Variants in RAP1A observed in about 807,000 individuals in gnomAD.
The protein encoded by RAP1A is ras-related protein Rap-1A.
RAP1A carries 6 observed loss-of-function variants against 26.4 expected under a neutral mutation model. The observed-to-expected ratio is 0.23, with a 90% CI of 0.12 to 0.45. RAP1A has a LOEUF of 0.45. RAP1A is among the 20% of genes least tolerant of loss of function. RAP1A has a pLI of 0.99. For missense variants in RAP1A, 121 were observed against 217.2 expected (o/e 0.56, Z 2.78); for synonymous variants, 73 against 79.4 (o/e 0.92, Z 0.43).
intron 1 of RAP1A, among the ~76,000 whole-genome samples, chr1:111,643,295 G>A (rs539347667): frequency 1.3e-5 from 2 of 152,256 alleles, no homozygotes; most frequent in South Asian, 2.1e-4. Context: ...GCCCAGATTT[G>A]GCCTGTGGTT....
chr1:111,669,105 T>G (rs1026460491), intron 1 of RAP1A, among the ~76,000 whole-genome samples: 2 of 149,626 alleles, frequency 1.3e-5, no homozygotes, highest in African/African-American at 4.9e-5. Flanking sequence ...GGCTTAACAA[T>G]AGATTATAAT....
chr1:111,569,217 A>G (rs1267380003), intron 1 of RAP1A, among the ~76,000 whole-genome samples: 1 of 152,082 alleles, frequency 6.6e-6, no homozygotes, highest in East Asian at 1.9e-4. Context: ...CCTGAGCAAC[A>G]TAGTGAAACC....
At chr1:111,599,902 G>A (rs1658637860) in intron 1 of RAP1A, 1 of 152,120 alleles carries the variant, frequency 6.6e-6, no homozygotes, top group Non-Finnish European at 1.5e-5. Flanking sequence ...CCTTGGTGAT[G>A]AGTGAACTCT....
In RAP1A at chr1:111,709,250, G is replaced by C. The variant is rs762046887; in HGVS notation, c.*15G>C. 2 of 1,591,636 alleles carry C rather than the reference G, an allele frequency of 1.3e-6. No homozygotes were observed. The highest frequency in any genetic ancestry group is 1.2e-5 in the South Asian group (1 of 86,878). ...TGCTGCTCTAGGCCCATAGTCAGCAGCAGCTCTGAGCCAGGTAAGATGCTA... is the reference window on the plus strand; with the variant it reads ...TGCTGCTCTAGGCCCATAGTCAGCACCAGCTCTGAGCCAGGTAAGATGCTA... On this transcript the variant is annotated 3_prime_UTR_variant, in exon 7 of 8. Coordinates refer to ENST00000369709, the MANE Select transcript of RAP1A (RefSeq NM_002884.4).
At chr1:111,654,380 G>A (rs142458630) in intron 1 of RAP1A, among the ~76,000 whole-genome samples, 30 of 152,230 alleles carry the variant, frequency 2.0e-4, no homozygotes, top group African/African-American at 6.7e-4. Context: ...TCACACCTGA[G>A]TTAGGTGGTA....
rs142491688 is a variant in RAP1A at position 111,692,355 on chromosome 1, T to G, written c.57+938T>G. On this transcript the variant is annotated intron_variant, in intron 2 of 7. Coordinates refer to ENST00000369709, the MANE Select transcript of RAP1A (RefSeq NM_002884.4). ...TAATAAAAAAGAGAGGCCGGTGATA[T>G]GATTTTGGGTGCCATCAATATGGTG... 4.6e-5 allele frequency among the ~76,000 whole-genome samples: 7 copies of G among 152,310 alleles called. No individual in the cohort carries two copies. The South Asian group carries it at 6.2e-4, about 14-fold the overall frequency.
intron 1 of RAP1A, among the ~76,000 whole-genome samples, chr1:111,685,346 G>A (rs1475703237): frequency 6.6e-6 from 1 of 151,764 alleles, no homozygotes; most frequent in East Asian, 1.9e-4. Flanking sequence ...GCAACCTACA[G>A]AATGGGAGAA....
intron 3 of RAP1A, 25 bp from the exon 4 acceptor site, chr1:111,697,416 C>CTTT (rs34219774): frequency 1.5e-5 from 23 of 1,571,514 alleles, no homozygotes; most frequent in Admixed American, 7.3e-5. Flanking sequence ...ACTCTTTAAC[C>CTTT]TTTTTTTTTT....
At chr1:111,642,093 CAGTT>C (rs1159664273) in intron 1 of RAP1A, among the ~76,000 whole-genome samples, 1 of 151,912 alleles carries the variant, frequency 6.6e-6, no homozygotes, top group East Asian at 1.9e-4. Context: ...AAAAATACAA[CAGTT>C]AGCCGGGTGT....
chr1:111,643,890 A>C (rs1297055716), intron 1 of RAP1A, among the ~76,000 whole-genome samples: 1 of 152,234 alleles, frequency 6.6e-6, no homozygotes, highest in Admixed American at 6.5e-5. Flanking sequence ...TGGGGGCTGG[A>C]AAGTCCAAAA....
chr1:111,655,211 CAT>C (rs1451642632), intron 1 of RAP1A, among the ~76,000 whole-genome samples: 2 of 132,208 alleles, frequency 1.5e-5, no homozygotes, highest in Non-Finnish European at 3.2e-5. Context: ...CCATGGGAAA[CAT>C]AGATTTAATG....
At chr1:111,584,528 G>T (rs1017647632) in intron 1 of RAP1A, among the ~76,000 whole-genome samples, 1 of 152,042 alleles carries the variant, frequency 6.6e-6, no homozygotes, top group Non-Finnish European at 1.5e-5. Flanking sequence ...ATTCATTCAG[G>T]TGGAGCCCTC....
At chr1:111,634,270 TAATA>T (rs1463028588) in intron 1 of RAP1A, among the ~76,000 whole-genome samples, 2 of 152,134 alleles carry the variant, frequency 1.3e-5, no homozygotes, top group African/African-American at 4.8e-5. Context: ...TTTCACAATA[TAATA>T]AATATTTTTT....
intron 2 of RAP1A, among the ~76,000 whole-genome samples, chr1:111,692,686 A>G (rs561689213): frequency 3.9e-5 from 6 of 152,186 alleles, no homozygotes; most frequent in Non-Finnish European, 8.8e-5. Flanking sequence ...CAATAGCTCT[A>G]TATATACCGA....
chr1:111,553,255 A>G (rs1324051328), intron 1 of RAP1A, among the ~76,000 whole-genome samples: 2 of 152,254 alleles, frequency 1.3e-5, no homozygotes, highest in Non-Finnish European at 2.9e-5. Context: ...GTATGCACAC[A>G]TTCCATTATA....
chr1:111,658,125 A>T (rs1660522524), intron 1 of RAP1A, among the ~76,000 whole-genome samples: 2 of 152,212 alleles, frequency 1.3e-5, no homozygotes, highest in African/African-American at 4.8e-5. Context: ...TACATCACTT[A>T]ACAGGGATAC....
intron 1 of RAP1A, among the ~76,000 whole-genome samples, chr1:111,641,313 C>T (rs369230808): frequency 6.6e-6 from 1 of 152,158 alleles, no homozygotes; most frequent in African/African-American, 2.4e-5. Context: ...CTCCTCCCTT[C>T]ACTCTTATTC....
At chr1:111,547,512 C>A (rs1657078990) in intron 1 of RAP1A, among the ~76,000 whole-genome samples, 1 of 152,090 alleles carries the variant, frequency 6.6e-6, no homozygotes, top group South Asian at 2.1e-4. Flanking sequence ...ACTAATTTCT[C>A]AACATTAAGC....
At chr1:111,680,772 GA>G (rs1661266310) in intron 1 of RAP1A, 1 of 152,530 alleles carries the variant, frequency 6.6e-6, no homozygotes, top group South Asian at 2.1e-4. Flanking sequence ...AACTCCAGCA[GA>G]CCTGCAGAAG....
Sources: allele counts gnomAD v4.1 joint callset (sites outside exome capture counted in the v4.1 genomes callset), GRCh38; gene constraint gnomAD v4.1.1; transcripts MANE v1.5; gene names NCBI Gene and HGNC (gene_info 2026-07-23, HGNC 2026-07-21).